The following GOLM2 variants were observed in gnomAD, a reference collection of about 807,000 sequenced individuals.
GOLM2 encodes the protein golgi membrane protein 2, also known as protein GOLM2.
A neutral mutation model predicts 55.9 loss-of-function variants in GOLM2; 26 were observed. The ratio of observed to expected loss-of-function variants is 0.47; its 90% CI spans 0.34 to 0.65. The LOEUF is 0.65. Ranked by LOEUF, GOLM2 falls within the 30% of genes least tolerant of loss-of-function variation. The pLI is 0.01. For missense variants in GOLM2, 486 were observed against 531.8 expected (o/e 0.91, Z 0.85); for synonymous variants, 165 against 194.6 (o/e 0.85, Z 1.27).
intron 1 of GOLM2, among the ~76,000 whole-genome samples, chr15:44,300,061 C>G (rs970995805): frequency 6.7e-6 from 1 of 149,926 alleles, no homozygotes; most frequent in Admixed American, 6.7e-5. Context: ...GATTGTGCCA[C>G]TGTGCCCTAG....
chr15:44,397,331 T>C (rs141232004), intron 8 of GOLM2, among the ~76,000 whole-genome samples: 6,965 of 151,604 alleles, frequency 0.046, 271 homozygotes, highest in East Asian at 0.2. Context: ...TACAAAAAAT[T>C]AGCCGGGCTT....
chr15:44,340,960 A>G (rs548803362), intron 6 of GOLM2, among the ~76,000 whole-genome samples: 2 of 152,288 alleles, frequency 1.3e-5, no homozygotes, highest in African/African-American at 4.8e-5. Context: ...TTCAGATATG[A>G]GCAACAGTTG....
intron 6 of GOLM2, among the ~76,000 whole-genome samples, chr15:44,341,691 A>AT (rs752182459): frequency 0.033 from 4,043 of 120,778 alleles, 177 homozygotes; most frequent in African/African-American, 0.089. Flanking sequence ...ATTTTATTAG[A>AT]TTTTTTTTTT....
intron 1 of GOLM2, among the ~76,000 whole-genome samples, chr15:44,320,985 A>G (rs948999791): frequency 5.3e-5 from 8 of 152,186 alleles, no homozygotes; most frequent in East Asian, 1.9e-4. Flanking sequence ...CTAACTTTCA[A>G]TGCCTAATAC....
intron 2 of GOLM2, among the ~76,000 whole-genome samples, chr15:44,328,358 G>T (rs555391354): frequency 6.6e-6 from 1 of 152,270 alleles, no homozygotes; most frequent in South Asian, 2.1e-4. Context: ...CACACCTGTA[G>T]TCTCAGCTGT....
intron 1 of GOLM2, among the ~76,000 whole-genome samples, chr15:44,317,153 G>GA (rs1336421725): frequency 1.3e-5 from 2 of 152,112 alleles, no homozygotes; most frequent in African/African-American, 4.8e-5. Flanking sequence ...ATGGAGTACA[G>GA]AGAACCTGGC....
At chr15:44,300,885 T>C (rs1160472554) in intron 1 of GOLM2, among the ~76,000 whole-genome samples, 1 of 152,230 alleles carries the variant, frequency 6.6e-6, no homozygotes, top group Non-Finnish European at 1.5e-5. Context: ...TCTAATTTTC[T>C]TACACTGTTT....
At chr15:44,352,166 A>G (rs2079169049) in intron 6 of GOLM2, among the ~76,000 whole-genome samples, 1 of 152,236 alleles carries the variant, frequency 6.6e-6, no homozygotes, top group Admixed American at 6.5e-5. Context: ...CCTGACTTCA[A>G]ATTATACTAC....
At chr15:44,344,287 G>GTGTATATATATATATATATATA (rs1254503455) in intron 6 of GOLM2, among the ~76,000 whole-genome samples, 2 of 138,312 alleles carry the variant, frequency 1.4e-5, no homozygotes, top group South Asian at 2.3e-4. Flanking sequence ...ATATGTGTGT[G>GTGTATATATATATATATATATA]TATATATATA....
At chr15:44,310,152 G>A (rs1006003586) in intron 1 of GOLM2, among the ~76,000 whole-genome samples, 3 of 152,048 alleles carry the variant, frequency 2.0e-5, no homozygotes, top group Non-Finnish European at 4.4e-5. Flanking sequence ...CCAAAGTACT[G>A]GGATTACGGG....
At chr15:44,298,410 C>T (rs2078773192) in intron 1 of GOLM2, among the ~76,000 whole-genome samples, 1 of 151,196 alleles carries the variant, frequency 6.6e-6, no homozygotes, top group Non-Finnish European at 1.5e-5. Context: ...ATTATAGGCA[C>T]CCACCACCAT....
Position 44,289,157 on chromosome 15 carries a change from A to T in GOLM2, c.128A>T (p.Gln43Leu). The T allele has an allele frequency of 6.2e-7, 1 of 1,614,114 alleles. No individual in the cohort carries two copies. The highest frequency in any genetic ancestry group is 8.5e-7 in the Non-Finnish European group (1 of 1,180,002). The part of the protein sequence containing the change: ...WSISSRHVLL[Q>L]EEVAELQGQV... ...ATCTCCTCCCGCCACGTCCTGCTTC[A>T]GGAGGAGGTGGCCGAGCTGCAGGGC... is the stretch of plus-strand genomic sequence containing the variant. The change falls in exon 1 of 10, where the codon CAG becomes CTG. Residue 43 changes from glutamine (Q) to leucine (L), a missense_variant. Transcript: ENST00000299957. This position sits in a 1 kb window ranked among gnomAD's most constrained non-coding sequence, Gnocchi z 4.8.
At chr15:44,339,942 CCTG>C (rs1339720938) in intron 6 of GOLM2, among the ~76,000 whole-genome samples, 1 of 151,978 alleles carries the variant, frequency 6.6e-6, no homozygotes, top group Non-Finnish European at 1.5e-5. Context: ...ACCTCAGCCT[CCTG>C]AGTAGCAGGA....
intron 8 of GOLM2, among the ~76,000 whole-genome samples, chr15:44,386,827 T>C (rs1312499186): frequency 1.3e-5 from 2 of 151,930 alleles, no homozygotes; most frequent in African/African-American, 4.8e-5. Context: ...GCTATGATTG[T>C]TCCACTGCAC....
chr15:44,340,159 A>G (rs1466509016), intron 6 of GOLM2, among the ~76,000 whole-genome samples: 3 of 152,054 alleles, frequency 2.0e-5, no homozygotes, highest in Admixed American at 6.6e-5. Flanking sequence ...AGGTCTCACC[A>G]TGTTGCCCAG....
At chr15:44,397,494 A>AC (rs1031839071) in intron 8 of GOLM2, among the ~76,000 whole-genome samples, 9 of 147,874 alleles carry the variant, frequency 6.1e-5, no homozygotes, top group African/African-American at 2.3e-4. Context: ...AAAAAAAAAA[A>AC]AAAAAAAACA....
chr15:44,378,094 G>C (rs952770594), intron 6 of GOLM2, among the ~76,000 whole-genome samples: 1 of 150,458 alleles, frequency 6.6e-6, no homozygotes, highest in Non-Finnish European at 1.5e-5. Context: ...TGTCACCCAG[G>C]CTGGAGTGCA....
At position 44,369,693 on chromosome 15, in the gene GOLM2, T is replaced by TACACACACAC. The variant is rs3986148; in HGVS notation, c.803-9975_803-9966dup. 1.9e-3 allele frequency among the ~76,000 whole-genome samples: 278 copies of TACACACACAC among 143,614 alleles called. 1 individual carries two copies. The highest frequency in any genetic ancestry group is 0.013 in the South Asian group (58 of 4,534). The allele number at this position is 143,614 out of a possible 152,430, so 94.2% of individuals were successfully genotyped here. A position where few individuals can be genotyped will look rare whatever the true frequency, so the allele number is the denominator to read the frequency against. On this transcript the variant is annotated intron_variant, in intron 6 of 9. Coordinates refer to ENST00000299957, the MANE Select transcript of GOLM2 (RefSeq NM_138423.4). The stretch of plus-strand genomic sequence containing the variant: ...ATATATACACACATATATATATGCA[T>TACACACACAC]ACACACACACACACACACACACACA...
chr15:44,386,397 T>C (rs1346792680), intron 8 of GOLM2, among the ~76,000 whole-genome samples: 1 of 152,240 alleles, frequency 6.6e-6, no homozygotes, highest in African/African-American at 2.4e-5. Context: ...TCTATATGTC[T>C]CTCCTTATGC....
Sources: gnomAD v4.1 joint callset for allele counts (sites outside exome capture counted in the v4.1 genomes callset) on GRCh38, gnomAD v4.1.1 for gene constraint, Gnocchi (gnomAD v3.1) non-coding constraint, MANE v1.5 for transcripts, NCBI Gene and HGNC (gene_info 2026-07-23, HGNC 2026-07-21) for gene names.